ZNF503: variants seen among roughly 807,000 people sequenced by gnomAD.
ZNF503 encodes the protein NocA-like zinc finger 2.
Under a neutral mutation model 34.4 loss-of-function variants are expected in ZNF503, and 15 were observed. That is an observed-to-expected ratio of 0.44 (90% CI 0.29 to 0.67). The LOEUF (loss-of-function observed/expected upper bound fraction) is 0.67, where lower values mean the gene tolerates loss of function less well. Ranked by LOEUF, ZNF503 falls within the 30% of genes least tolerant of loss-of-function variation. ZNF503 has a pLI of 0.13. For synonymous variants in ZNF503, 580 were observed against 456.8 expected (o/e 1.27, Z -3.44); for missense variants, 1,007 against 926.8 (o/e 1.09, Z -1.12).
At position 75,399,505 on chromosome 10, in the gene ZNF503, C is replaced by T; in HGVS notation, c.1185G>A (p.Ala395=). ...AGCCCAGAGACCCGGCCGCGGCCGCCGCCAGCTGCGCCCCCACCAGGCTGC... is the reference window on the plus strand; with the variant it reads ...AGCCCAGAGACCCGGCCGCGGCCGCTGCCAGCTGCGCCCCCACCAGGCTGC... ...KPGSLVGAQL[A]AAAAGSLGCS... The change falls in exon 2 of 2, where the codon GCG becomes GCA. Residue 395 remains alanine (A), a synonymous_variant. Transcript: ENST00000372524. 1 of 1,572,486 alleles carries T rather than the reference C, an allele frequency of 6.4e-7. No individual in the cohort carries two copies. The highest frequency in any genetic ancestry group is 8.6e-7 in the Non-Finnish European group (1 of 1,166,258).
chr10:75,336,686 G>A, the ZNF503 span, among the ~76,000 whole-genome samples: 5 of 152,200 alleles, frequency 3.3e-5, no homozygotes, highest in African/African-American at 1.2e-4. Context: ...AAATCAAGAT[G>A]TTGGCCAGGC....
the ZNF503 span, among the ~76,000 whole-genome samples, chr10:75,365,456 T>A: frequency 2.0e-5 from 3 of 152,342 alleles, no homozygotes; most frequent in Middle Eastern, 3.4e-3. Context: ...CCACTTCAGT[T>A]TTTCAAAGAA....
At chr10:75,349,167 T>G in the ZNF503 span, among the ~76,000 whole-genome samples, 2 of 152,244 alleles carry the variant, frequency 1.3e-5, no homozygotes, top group Non-Finnish European at 2.9e-5. Flanking sequence ...TATATTCACA[T>G]CTCCCCAGTT....
the ZNF503 span, among the ~76,000 whole-genome samples, chr10:75,361,905 C>T: frequency 1.3e-5 from 2 of 152,256 alleles, no homozygotes; most frequent in South Asian, 4.1e-4. Flanking sequence ...GAAGGAAGAG[C>T]CCCTCTGACT....
chr10:75,366,193 TAGGTTTG>T, the ZNF503 span, among the ~76,000 whole-genome samples: 4 of 152,084 alleles, frequency 2.6e-5, no homozygotes, highest in African/African-American at 9.7e-5. Context: ...TGGCAGCAAA[TAGGTTTG>T]AGCTCTTTTG....
At chr10:75,293,102 C>G in the ZNF503 span, among the ~76,000 whole-genome samples, 1 of 152,150 alleles carries the variant, frequency 6.6e-6, no homozygotes, top group African/African-American at 2.4e-5. Flanking sequence ...AACACGGCTT[C>G]CGAGGTCTTC....
the ZNF503 span, among the ~76,000 whole-genome samples, chr10:75,389,953 T>A: frequency 2.6e-5 from 4 of 152,194 alleles, no homozygotes; most frequent in East Asian, 5.8e-4. Flanking sequence ...GGAGCAGTGG[T>A]GCGATCTGCG....
chr10:75,336,746 A>C, the ZNF503 span, among the ~76,000 whole-genome samples: 2 of 152,110 alleles, frequency 1.3e-5, no homozygotes, highest in Non-Finnish European at 2.9e-5. Flanking sequence ...AACCTCATTC[A>C]GGTTGTTGGC....
rs1843745313 is a variant in ZNF503 at position 75,399,174 on chromosome 10, T to C, written c.1516A>G (p.Met506Val). 1 of 1,611,338 alleles carries C rather than the reference T, an allele frequency of 6.2e-7. No homozygotes were observed. Among genetic ancestry groups the C allele is most frequent in the Non-Finnish European group, 8.5e-7 (1 of 1,178,482 alleles). The stretch of plus-strand genomic sequence containing the variant: ...TGGGGGAGTGGGTCGTTAGGGAGCA[T>C]AAAGCCGTAGGGGTAGAGGGGGTGG... Reference protein sequence around the residue: ...AGHPLYPYGFMLPNDPLPHIC... With the variant: ...AGHPLYPYGFVLPNDPLPHIC... Residue 506 changes from methionine (M) to valine (V), a missense_variant, in exon 2 of 2, where the codon ATG (methionine) becomes GTG (valine). By Grantham distance (21) the Met-to-Val change is conservative. Coordinates refer to ENST00000372524, the MANE Select transcript of ZNF503 (RefSeq NM_032772.6).
the ZNF503 span, among the ~76,000 whole-genome samples, chr10:75,368,355 T>C: frequency 6.6e-6 from 1 of 151,662 alleles, no homozygotes; most frequent in Non-Finnish European, 1.5e-5. Context: ...CTCTGCAAAA[T>C]AGAAAGAGAA....
At chr10:75,355,438 A>G in the ZNF503 span, among the ~76,000 whole-genome samples, 4 of 152,310 alleles carry the variant, frequency 2.6e-5, no homozygotes, top group East Asian at 7.7e-4. Flanking sequence ...GAGAGACACT[A>G]GGATCCCTGT....
chr10:75,314,256 A>G, the ZNF503 span, among the ~76,000 whole-genome samples: 8 of 151,066 alleles, frequency 5.3e-5, no homozygotes, highest in Admixed American at 4.6e-4. Context: ...AAAAAAAAAA[A>G]AGAAAGCTCA....
the ZNF503 span, among the ~76,000 whole-genome samples, chr10:75,301,673 G>C: frequency 6.6e-6 from 1 of 151,792 alleles, no homozygotes; most frequent in Non-Finnish European, 1.5e-5. Flanking sequence ...CTCAGTGGTT[G>C]CTCTGATGAT....
At chr10:75,366,892 CCAGG>C in the ZNF503 span, among the ~76,000 whole-genome samples, 3 of 152,008 alleles carry the variant, frequency 2.0e-5, no homozygotes, top group African/African-American at 7.3e-5. Context: ...GGAGAGAGCT[CCAGG>C]TACCCGCACT....
chr10:75,291,679 C>G, the ZNF503 span, among the ~76,000 whole-genome samples: 1 of 152,188 alleles, frequency 6.6e-6, no homozygotes, highest in Admixed American at 6.5e-5. Context: ...AGCTGAAACC[C>G]TCCAGTCATT....
chr10:75,293,688 A>G, the ZNF503 span, among the ~76,000 whole-genome samples: 2 of 151,524 alleles, frequency 1.3e-5, no homozygotes, highest in Non-Finnish European at 2.9e-5. Context: ...TGTGTAGGTT[A>G]TGGGGAGTTT....
the ZNF503 span, among the ~76,000 whole-genome samples, chr10:75,352,200 G>T: frequency 9.4e-3 from 1,439 of 152,300 alleles, 25 homozygotes; most frequent in African/African-American, 0.033. Context: ...GATGCAAAGG[G>T]GCTGCTGTAG....
chr10:75,284,991 C>G, the ZNF503 span, among the ~76,000 whole-genome samples: 2 of 152,216 alleles, frequency 1.3e-5, no homozygotes, highest in Non-Finnish European at 2.9e-5. Context: ...GGACAAGGTT[C>G]TTGCCCTCAT....
chr10:75,327,718 C>T, the ZNF503 span, among the ~76,000 whole-genome samples: 8 of 152,024 alleles, frequency 5.3e-5, no homozygotes, highest in African/African-American at 9.7e-5. Context: ...TTCCACTAAC[C>T]GTGTGTAATA....
Sources: gnomAD v4.1 joint callset for allele counts (sites outside exome capture counted in the v4.1 genomes callset) on GRCh38, gnomAD v4.1.1 for gene constraint, MANE v1.5 for transcripts, NCBI Gene and HGNC (gene_info 2026-07-23, HGNC 2026-07-21) for gene names.